NMNAT1: variants seen among roughly 807,000 people sequenced by gnomAD.
NMNAT1 encodes the protein nicotinamide nucleotide adenylyltransferase 1, also known as nicotinamide/nicotinic acid mononucleotide adenylyltransferase 1.
In NMNAT1, 11 loss-of-function variants were observed where a neutral mutation model predicts 16.7. That is an observed-to-expected ratio of 0.66 (90% CI 0.41 to 1.09). The LOEUF (loss-of-function observed/expected upper bound fraction) is 1.09, where lower values mean the gene tolerates loss of function less well. NMNAT1 is among the 50% of genes least tolerant of loss of function. The probability of loss-of-function intolerance (pLI) is 0.00; values close to 1 mark genes in which losing one functional copy is unlikely to be tolerated. For synonymous variants in NMNAT1, 110 were observed against 119.8 expected (o/e 0.92, Z 0.53); for missense variants, 280 against 332.3 (o/e 0.84, Z 1.22).
chr1:9,966,207 G>A (rs1217095673), intron 1 of NMNAT1, among the ~76,000 whole-genome samples: 1 of 152,074 alleles, frequency 6.6e-6, no homozygotes, highest in African/African-American at 2.4e-5. Context: ...GCTGAGGCAG[G>A]AGAATCACTG....
intron 3 of NMNAT1, among the ~76,000 whole-genome samples, chr1:9,979,962 G>A (rs1299005704): frequency 6.6e-6 from 1 of 151,074 alleles, no homozygotes; most frequent in Non-Finnish European, 1.5e-5. Flanking sequence ...GCGGAGTTTT[G>A]CTCTTGTTGC....
intron 3 of NMNAT1, among the ~76,000 whole-genome samples, chr1:9,978,363 A>G (rs1641860783): frequency 6.6e-6 from 1 of 152,198 alleles, no homozygotes; most frequent in Admixed American, 6.6e-5. Flanking sequence ...CTCAAAAAAA[A>G]AGATTACTTG....
intron 1 of NMNAT1, chr1:9,947,480 A>G (rs1303770559): frequency 2.0e-5 from 3 of 152,250 alleles, no homozygotes; most frequent in African/African-American, 4.8e-5. Context: ...ACCATCCCCA[A>G]TAGAGGAGGA....
chr1:9,966,253 C>G (rs916512850), intron 1 of NMNAT1, among the ~76,000 whole-genome samples: 1 of 151,702 alleles, frequency 6.6e-6, no homozygotes, highest in Non-Finnish European at 1.5e-5. Context: ...GAGCTGAGAT[C>G]GTGCCACTGC....
At chr1:9,953,065 C>T (rs1406282724) in intron 1 of NMNAT1, among the ~76,000 whole-genome samples, 1 of 151,202 alleles carries the variant, frequency 6.6e-6, no homozygotes. Flanking sequence ...ACTGCAACCT[C>T]TGCCTCCTAG....
At chr1:9,944,918 A>C (rs537931992) in intron 1 of NMNAT1, among the ~76,000 whole-genome samples, 1 of 152,186 alleles carries the variant, frequency 6.6e-6, no homozygotes. Context: ...CTTGCAAGAC[A>C]CTTCAGATTC....
At position 9,967,226 on chromosome 1, in the gene NMNAT1, C is replaced by T. The variant is rs951237767; in HGVS notation, c.-56-4792C>T. ...GTGACAGAGTGAAACTAAGTCCCCC[C>T]GGCTCCCCGCAAAAAAAAAATTATT... On this transcript the variant is annotated intron_variant, in intron 1 of 4. Coordinates refer to ENST00000377205, the MANE Select transcript of NMNAT1 (RefSeq NM_022787.4). 5.3e-5 allele frequency among the ~76,000 whole-genome samples: 8 copies of T among 151,296 alleles called. No homozygotes were observed. In the East Asian group the frequency reaches 5.8e-4, roughly 11 times the overall value.
At chr1:9,974,318 C>T (rs904285953) in intron 2 of NMNAT1, among the ~76,000 whole-genome samples, 5 of 151,792 alleles carry the variant, frequency 3.3e-5, no homozygotes, top group Non-Finnish European at 5.9e-5. Flanking sequence ...CTTTACCTCC[C>T]GGACTCAAGT....
intron 3 of NMNAT1, among the ~76,000 whole-genome samples, chr1:9,979,885 C>A (rs1202621738): frequency 6.6e-6 from 1 of 151,868 alleles, no homozygotes; most frequent in East Asian, 1.9e-4. Context: ...CCTCCTTTCT[C>A]CTTCCCTTAC....
rs1445288447 is a variant in NMNAT1 at position 9,975,611 on chromosome 1, A to G, written c.135A>G (p.Lys45=). ...ATCTAGGAAGGTACACAGTTGTCAA[A>G]GGCATCATCTCTCCTGTTGGTGATG... is the stretch of plus-strand genomic sequence containing the variant. ...MNGTGRYTVV[K]GIISPVGDAY... The change falls in exon 3 of 5, where the codon AAA becomes AAG. Residue 45 remains lysine (K), a synonymous_variant. Transcript: ENST00000377205. 1.9e-6 allele frequency: 3 copies of G among 1,612,088 alleles called. No individual in the cohort carries two copies. The highest frequency in any genetic ancestry group is 2.5e-6 in the Non-Finnish European group (3 of 1,179,388).
At chr1:9,987,660 T>A (rs942659472), downstream of NMNAT1, among the ~76,000 whole-genome samples, 1 of 151,330 alleles carries the variant, frequency 6.6e-6, no homozygotes, top group African/African-American at 2.4e-5. Context: ...AATAAATAAA[T>A]TAAATTAAAT....
chr1:9,979,327 A>G (rs1184957533), intron 3 of NMNAT1, among the ~76,000 whole-genome samples: 1 of 152,050 alleles, frequency 6.6e-6, no homozygotes, highest in South Asian at 2.1e-4. Flanking sequence ...TTAGCTGAAC[A>G]TGGTGGCACG....
chr1:9,948,926 C>T (rs1641041292), intron 1 of NMNAT1, among the ~76,000 whole-genome samples: 1 of 151,246 alleles, frequency 6.6e-6, no homozygotes, highest in East Asian at 2.0e-4. Context: ...GGATTACAGG[C>T]GTCAGCCACT....
chr1:9,975,598 A>G lies in NMNAT1; in HGVS notation c.122A>G (p.Tyr41Cys), dbSNP rs1641788596. 1 of 1,610,340 alleles carries G rather than the reference A, an allele frequency of 6.2e-7. No homozygotes were observed. Among genetic ancestry groups the G allele is most frequent in the Admixed American group, 1.7e-5 (1 of 58,920 alleles). ...AKDYMNGTGR[Y>C]TVVKGIISPV... The stretch of plus-strand genomic sequence containing the variant: ...AACCTAACTTTTTATCTAGGAAGGT[A>G]CACAGTTGTCAAAGGCATCATCTCT... Residue 41 changes from tyrosine (Y) to cysteine (C), a missense_variant, in exon 3 of 5, where the codon TAC becomes TGC. Coordinates refer to ENST00000377205, the MANE Select transcript of NMNAT1 (RefSeq NM_022787.4).
chr1:9,942,959 C>G, upstream of NMNAT1: 1 of 352,300 alleles, frequency 2.8e-6, no homozygotes, highest in Non-Finnish European at 5.6e-6. Context: ...CCGAGAGGGT[C>G]TTTGAGGAAA....
rs893095937 is a variant in NMNAT1, at chr1:9,983,349, C to T, written c.*648C>T. The T allele has an allele frequency of 2.0e-5, 3 of 148,046 alleles. No homozygotes were observed. The highest frequency in any genetic ancestry group is 2.2e-4 in the South Asian group (1 of 4,564). 9.2% of individuals were successfully genotyped at this position (148,046 alleles called of 1,614,324 possible). ...CAGCCTGGGCAAAAAAGCAAAACTC[C>T]ATCTCAAAGAGAAAAAAAAAAAAGA... On this transcript the variant is annotated 3_prime_UTR_variant, in exon 5 of 5. Coordinates refer to ENST00000377205, the MANE Select transcript of NMNAT1 (RefSeq NM_022787.4).
intron 1 of NMNAT1, among the ~76,000 whole-genome samples, chr1:9,968,380 G>A (rs1166298978): frequency 6.6e-6 from 1 of 151,270 alleles, no homozygotes; most frequent in African/African-American, 2.4e-5. Flanking sequence ...CCTGCCAAAT[G>A]TAGTTCTATG....
In NMNAT1 at chr1:9,981,053, G is replaced by A. The variant is rs529822953; in HGVS notation, c.322G>A (p.Ala108Thr). ...TAGACACCATCAAGAGAAATTGGAG[G>A]CTAGTGACTGTGATCACCAGCAGAA... ...VLRHHQEKLE[A>T]SDCDHQQNSP... is the part of the protein sequence containing the mutation. Residue 108 changes from alanine (A) to threonine (T), a missense_variant, in exon 4 of 5, where the codon GCT (alanine) becomes ACT (threonine). Coordinates refer to ENST00000377205, the MANE Select transcript of NMNAT1 (RefSeq NM_022787.4). 4.3e-6 allele frequency: 7 copies of A among 1,609,450 alleles called. No homozygotes were observed. The South Asian group carries it at 7.8e-5, about 18-fold the overall frequency.
chr1:9,970,713 A>G (rs1641669970), intron 1 of NMNAT1, among the ~76,000 whole-genome samples: 1 of 152,080 alleles, frequency 6.6e-6, no homozygotes, highest in Non-Finnish European at 1.5e-5. Flanking sequence ...AGAAATTTTA[A>G]TAAAAACCTA....
Sources: gnomAD v4.1 joint callset for allele counts (sites outside exome capture counted in the v4.1 genomes callset) on GRCh38, gnomAD v4.1.1 for gene constraint, MANE v1.5 for transcripts, NCBI Gene and HGNC (gene_info 2026-07-23, HGNC 2026-07-21) for gene names.